The following THSD7A variants were observed in gnomAD, a reference collection of about 807,000 sequenced individuals.
THSD7A encodes the protein thrombospondin type-1 domain-containing protein 7A.
Under a neutral mutation model 231.3 loss-of-function variants are expected in THSD7A, and 96 were observed. That is an observed-to-expected ratio of 0.41 (90% CI 0.35 to 0.49). The LOEUF is 0.49. THSD7A is among the 20% of genes least tolerant of loss of function. The probability of loss-of-function intolerance (pLI) is 0.05; values close to 1 mark genes in which losing one functional copy is unlikely to be tolerated. For missense variants in THSD7A, 2,290 were observed against 2,070.2 expected, an observed-to-expected ratio of 1.11 and a Z score of -2.06; for synonymous variants, 940 against 743.3, an observed-to-expected ratio of 1.26 and a Z score of -4.30.
At chr7:11,791,313 C>T (rs1023361795) in intron 1 of THSD7A, among the ~76,000 whole-genome samples, 3 of 152,010 alleles carry the variant, frequency 2.0e-5, no homozygotes, top group East Asian at 3.9e-4. Flanking sequence ...TGGCAATTGG[C>T]ATTTGCTATC....
At chr7:11,402,039 C>T in intron 22 of THSD7A, 71 bp from the exon 23 acceptor site, 1 of 1,338,258 alleles carries the variant, frequency 7.5e-7, no homozygotes, top group South Asian at 1.4e-5. Flanking sequence ...CATTTTAATT[C>T]CAACCCCAGT....
At chr7:11,508,193 A>C (rs1426237251) in intron 6 of THSD7A, among the ~76,000 whole-genome samples, 1 of 152,226 alleles carries the variant, frequency 6.6e-6, no homozygotes. Context: ...TTTGGATTAC[A>C]ATTCAAGAGG....
chr7:11,786,759 T>TAAAAA (rs58923353), intron 1 of THSD7A, among the ~76,000 whole-genome samples: 20 of 108,628 alleles, frequency 1.8e-4, no homozygotes, highest in Non-Finnish European at 2.8e-4. Context: ...AGTATAATAA[T>TAAAAA]AAAAAAAAAA....
intron 1 of THSD7A, among the ~76,000 whole-genome samples, chr7:11,801,626 A>G (rs1007399941): frequency 2.6e-5 from 4 of 152,206 alleles, no homozygotes; most frequent in Non-Finnish European, 4.4e-5. Flanking sequence ...ATTAACACAT[A>G]TAACTTCAAA....
At chr7:11,574,767 G>C (rs1790814437) in intron 4 of THSD7A, among the ~76,000 whole-genome samples, 2 of 152,132 alleles carry the variant, frequency 1.3e-5, no homozygotes, top group Admixed American at 1.3e-4. Context: ...GTGAAGTGCA[G>C]TTTTATTGTC....
At position 11,632,751 on chromosome 7, in the gene THSD7A, T is replaced by A. The variant is rs1342454371; in HGVS notation, c.1022+3379A>T. On this transcript the variant is annotated intron_variant, in intron 2 of 27. Coordinates refer to ENST00000423059, the MANE Select transcript of THSD7A (RefSeq NM_015204.3). This position sits in a 1 kb window ranked among gnomAD's most constrained non-coding sequence, Gnocchi z 4.1. ...CTCTCTCCATAAAAGTTGATCTATA[T>A]TAGTTCTCCCATTAGGTCATTATTT... 6.6e-6 allele frequency among the ~76,000 whole-genome samples: 1 copy of A among 152,216 alleles called. No individual in the cohort carries two copies. The highest frequency in any genetic ancestry group is 1.9e-4 in the East Asian group (1 of 5,204).
intron 4 of THSD7A, among the ~76,000 whole-genome samples, chr7:11,547,398 A>G (rs1789445844): frequency 6.6e-6 from 1 of 152,216 alleles, no homozygotes; most frequent in South Asian, 2.1e-4. Context: ...CGCTATCTTA[A>G]GAGACCATAT....
At chr7:11,757,778 T>C (rs936764150) in intron 1 of THSD7A, among the ~76,000 whole-genome samples, 2 of 151,846 alleles carry the variant, frequency 1.3e-5, no homozygotes, top group Admixed American at 6.6e-5. Flanking sequence ...TTTAATGGGC[T>C]TTTATAAAGT....
intron 7 of THSD7A, among the ~76,000 whole-genome samples, chr7:11,475,425 C>T (rs1786119733): frequency 6.6e-6 from 1 of 151,884 alleles, no homozygotes. Context: ...GAAGACTGTC[C>T]ACCGTGAAGC....
intron 2 of THSD7A, among the ~76,000 whole-genome samples, chr7:11,620,697 A>C (rs1781274585): frequency 6.6e-6 from 1 of 152,194 alleles, no homozygotes; most frequent in Admixed American, 6.5e-5. Flanking sequence ...AGTTAACAAA[A>C]TCCTACACAT....
intron 2 of THSD7A, among the ~76,000 whole-genome samples, chr7:11,627,156 G>T (rs1027808672): frequency 1.3e-5 from 2 of 151,892 alleles, no homozygotes; most frequent in East Asian, 3.9e-4. Context: ...TTCTTAGATG[G>T]GTTGATAGGT....
chr7:11,415,205 T>A (rs1783920651), intron 17 of THSD7A, among the ~76,000 whole-genome samples: 1 of 152,244 alleles, frequency 6.6e-6, no homozygotes, highest in African/African-American at 2.4e-5. Flanking sequence ...CAGGATCTCA[T>A]ACTCCCTATG....
At chr7:11,727,417 A>G (rs772432758) in intron 1 of THSD7A, among the ~76,000 whole-genome samples, 4 of 152,152 alleles carry the variant, frequency 2.6e-5, no homozygotes, top group Non-Finnish European at 5.9e-5. Context: ...GATAACACTC[A>G]TAATAGGAGA....
At chr7:11,630,504 T>G (rs1267763006) in intron 2 of THSD7A, among the ~76,000 whole-genome samples, 1 of 152,210 alleles carries the variant, frequency 6.6e-6, no homozygotes, top group East Asian at 1.9e-4. Flanking sequence ...TACCCAGTTA[T>G]GTTTATCCCA....
intron 7 of THSD7A, among the ~76,000 whole-genome samples, chr7:11,477,769 C>T (rs961303271): frequency 2.6e-5 from 4 of 152,060 alleles, no homozygotes; most frequent in Non-Finnish European, 1.5e-5. Flanking sequence ...TCCCTTGTTC[C>T]TTTTGTTAGA....
intron 4 of THSD7A, among the ~76,000 whole-genome samples, chr7:11,571,214 C>G (rs1393460348): frequency 6.6e-6 from 1 of 152,172 alleles, no homozygotes; most frequent in Admixed American, 6.5e-5. Flanking sequence ...TTTGGTTCCA[C>G]TATATGAGGC....
rs758571231 is a variant in THSD7A at position 11,636,716 on chromosome 7, A to G, written c.436T>C (p.Cys146Arg). The change falls in exon 2 of 28, where the codon TGC becomes CGC. Residue 146 changes from cysteine (C) to arginine (R), a missense_variant. Cys to Arg is a radical substitution (Grantham distance 180). Coordinates refer to ENST00000423059, the MANE Select transcript of THSD7A (RefSeq NM_015204.3). The surrounding 1 kb of genome is among the most constrained non-coding windows in gnomAD (Gnocchi z 10.0). The part of the protein sequence containing the change: ...ISKSLEKPLE[C>R]IKGEEGIQVR... ...TGAATACCTTCTTCCCCCTTAATGC[A>G]CTCAAGAGGTTTCTCTAGGCTTTTT... The G allele has an allele frequency of 1.9e-6, 3 of 1,613,718 alleles. No homozygotes were observed. The African/African-American group carries it at 4.0e-5, about 22-fold the overall frequency.
intron 6 of THSD7A, among the ~76,000 whole-genome samples, chr7:11,498,383 C>T (rs1344327764): frequency 1.4e-4 from 21 of 152,120 alleles, no homozygotes; most frequent in Admixed American, 5.9e-4. Context: ...CTGCTTTAAA[C>T]AGGAGCTCAA....
At chr7:11,618,476 G>T (rs1451359168) in intron 2 of THSD7A, among the ~76,000 whole-genome samples, 1 of 152,092 alleles carries the variant, frequency 6.6e-6, no homozygotes, top group Non-Finnish European at 1.5e-5. Context: ...GGGGAATGAG[G>T]ATGTGCTTGA....
Sources: allele counts gnomAD v4.1 joint callset (sites outside exome capture counted in the v4.1 genomes callset), GRCh38; gene constraint gnomAD v4.1.1; non-coding constraint Gnocchi (gnomAD v3.1); transcripts MANE v1.5; gene names NCBI Gene and HGNC (gene_info 2026-07-23, HGNC 2026-07-21).